TUBB4A: variants seen among roughly 807,000 people sequenced by gnomAD.
The protein encoded by TUBB4A is tubulin beta 4A class IVa.
TUBB4A carries 13 observed loss-of-function variants against 35.1 expected under a neutral mutation model. The observed-to-expected ratio is 0.37, with a 90% CI of 0.24 to 0.59. The LOEUF (loss-of-function observed/expected upper bound fraction) is 0.59, where lower values mean the gene tolerates loss of function less well. Among genes scored for constraint, TUBB4A ranks in the 20% least tolerant of loss-of-function variants. The pLI, the probability that TUBB4A is intolerant of heterozygous loss-of-function variation, is 0.71. For synonymous variants in TUBB4A, 279 were observed against 272.4 expected (o/e 1.02, Z -0.24); for missense variants, 299 against 647.2 (o/e 0.46, Z 5.84).
chr19:6,499,323 C>G (rs962118160), intron 3 of TUBB4A, among the ~76,000 whole-genome samples: 1 of 151,058 alleles, frequency 6.6e-6, no homozygotes, highest in African/African-American at 2.4e-5. Context: ...AAAGCGTGGA[C>G]CTAGTAGTCA....
In TUBB4A at chr19:6,499,976, A is replaced by G. The variant is rs138396011; in HGVS notation, c.277+1311T>C. Among the ~76,000 whole-genome samples, 892 of 152,010 alleles carry G rather than the reference A, an allele frequency of 5.9e-3. 5 individuals carry two copies. Among genetic ancestry groups the G allele is most frequent in the African/African-American group, 0.021 (869 of 41,438 alleles). On this transcript the variant is annotated intron_variant, in intron 3 of 3. Coordinates refer to ENST00000264071, the MANE Select transcript of TUBB4A (RefSeq NM_006087.4). ...CTGGCTAATTTTTTATTTTTAGTAGAGATGGGGTTTCTCCATGTTAGTCAG... is the reference window on the plus strand; with the variant it reads ...CTGGCTAATTTTTTATTTTTAGTAGGGATGGGGTTTCTCCATGTTAGTCAG...
chr19:6,497,982 C>T (rs944289877), intron 3 of TUBB4A, among the ~76,000 whole-genome samples: 3 of 150,156 alleles, frequency 2.0e-5, no homozygotes, highest in African/African-American at 4.9e-5. Flanking sequence ...GAGGCCGAGG[C>T]GGGCGGATAG....
At chr19:6,499,970 T>C (rs1477067634) in intron 3 of TUBB4A, among the ~76,000 whole-genome samples, 1 of 152,046 alleles carries the variant, frequency 6.6e-6, no homozygotes, top group Non-Finnish European at 1.5e-5. Context: ...TTTTTATTTT[T>C]AGTAGAGATG....
intron 3 of TUBB4A, among the ~76,000 whole-genome samples, chr19:6,498,587 A>G (rs1355097490): frequency 6.6e-6 from 1 of 152,126 alleles, no homozygotes; most frequent in Non-Finnish European, 1.5e-5. Context: ...CCAGCTTTCC[A>G]GGTGTGGTCC....
Position 6,501,306 on chromosome 19 carries a change from C to G in TUBB4A, c.258G>C (p.Arg86=). The change falls in exon 3 of 4, where the codon CGG becomes CGC. Residue 86 remains arginine (R), a synonymous_variant. Coordinates refer to ENST00000264071, the MANE Select transcript of TUBB4A (RefSeq NM_006087.4). The surrounding 1 kb of genome is among the most constrained non-coding windows in gnomAD (Gnocchi z 4.2). ...ACTCACCAAACACGAAGTTGTCCGGCCGAAAGATCTGACCGAAGGGGCCAG... is the reference window on the plus strand; with the variant it reads ...ACTCACCAAACACGAAGTTGTCCGGGCGAAAGATCTGACCGAAGGGGCCAG... ...VRSGPFGQIF[R]PDNFVFGQSG... 6.2e-7 allele frequency: 1 copy of G among 1,613,982 alleles called. No individual in the cohort carries two copies.
Position 6,501,834 on chromosome 19 carries a change from G to A in TUBB4A, c.58-211C>T. ...GCCGAGTCAGCACCCAGCGGGGCCG[G>A]CTGGTGCCAGCGCACCCAGGCTGCA... is the stretch of plus-strand genomic sequence containing the variant. On this transcript the variant is annotated intron_variant, in intron 1 of 3. Coordinates refer to ENST00000264071, the MANE Select transcript of TUBB4A (RefSeq NM_006087.4). The surrounding 1 kb of genome is among the most constrained non-coding windows in gnomAD (Gnocchi z 4.2). 1 of 592,336 alleles carries A rather than the reference G, an allele frequency of 1.7e-6. No individual in the cohort carries two copies. Among genetic ancestry groups the A allele is most frequent in the Non-Finnish European group, 3.0e-6 (1 of 336,344 alleles). 36.7% of individuals were successfully genotyped at this position (592,336 alleles called of 1,614,324 possible). A position where few individuals can be genotyped will look rare whatever the true frequency, so the allele number is the denominator to read the frequency against.
At chr19:6,496,632 A>AAAT (rs143972720) in intron 3 of TUBB4A, among the ~76,000 whole-genome samples, 1,679 of 143,386 alleles carry the variant, frequency 0.012, 14 homozygotes, top group African/African-American at 0.034. Flanking sequence ...CTCCGTCTCA[A>AAAT]AATAATAATA....
chr19:6,499,494 C>T (rs548952995), intron 3 of TUBB4A, among the ~76,000 whole-genome samples: 2 of 152,288 alleles, frequency 1.3e-5, no homozygotes, highest in Admixed American at 1.3e-4. Context: ...GCATTTAGCA[C>T]GTCTTACATG....
At chr19:6,498,041 C>T (rs777168464) in intron 3 of TUBB4A, among the ~76,000 whole-genome samples, 24 of 151,682 alleles carry the variant, frequency 1.6e-4, no homozygotes, top group Non-Finnish European at 2.6e-4. Flanking sequence ...GAAACCCCGT[C>T]TCTACTAAAA....
chr19:6,497,204 C>A (rs1914290502), intron 3 of TUBB4A, among the ~76,000 whole-genome samples: 1 of 148,098 alleles, frequency 6.8e-6, no homozygotes, highest in Non-Finnish European at 1.5e-5. Context: ...AGAGCAAGAC[C>A]CTGTCTCTAA....
intron 3 of TUBB4A, among the ~76,000 whole-genome samples, chr19:6,497,313 G>C (rs756528079): frequency 1.2e-4 from 18 of 151,476 alleles, no homozygotes; most frequent in Non-Finnish European, 2.4e-4. Flanking sequence ...CCAGGCTGGA[G>C]TACAGAGGTG....
Position 6,495,865 on chromosome 19 carries a change from A to G in TUBB4A, c.634T>C (p.Phe212Leu), listed in dbSNP as rs1337079969. The change falls in exon 4 of 4, where the codon TTC (phenylalanine) becomes CTC (leucine). Residue 212 changes from phenylalanine (F) to leucine (L), a missense_variant. By Grantham distance (22) the Phe-to-Leu change is conservative. Transcript: ENST00000264071. This position sits in a 1 kb window ranked among gnomAD's most constrained non-coding sequence, Gnocchi z 8.7. ...GGGGTGGTCAGCTTGAGGGTGCGGA[A>G]ACAGATGTCGTAGAGTGCCTCGTTG... The part of the protein sequence containing the change: ...IDNEALYDIC[F>L]RTLKLTTPTY... 1.2e-6 allele frequency: 2 copies of G among 1,614,190 alleles called. No homozygotes were observed. Among genetic ancestry groups the G allele is most frequent in the Non-Finnish European group, 8.5e-7 (1 of 1,180,036 alleles).
intron 3 of TUBB4A, among the ~76,000 whole-genome samples, chr19:6,498,806 G>T (rs1319554264): frequency 6.6e-6 from 1 of 152,184 alleles, no homozygotes; most frequent in Non-Finnish European, 1.5e-5. Context: ...GTGTGACCTT[G>T]GACAAGTGAC....
At position 6,495,483 on chromosome 19, in the gene TUBB4A, C is replaced by A; in HGVS notation, c.1016G>T (p.Ser339Ile). The A allele has an allele frequency of 6.2e-7, 1 of 1,614,236 alleles. No homozygotes were observed. Among genetic ancestry groups the A allele is most frequent in the Non-Finnish European group, 8.5e-7 (1 of 1,180,036 alleles). The change falls in exon 4 of 4, where the codon AGC becomes ATC. Residue 339 changes from serine (S) to isoleucine (I), a missense_variant. Physicochemically the swap from Ser to Ile is moderately radical, Grantham distance 142. This residue lies in a region of TUBB4A where 125 missense variants were observed against 279.1 expected (regional missense o/e 0.45). Transcript: ENST00000264071. This position sits in a 1 kb window ranked among gnomAD's most constrained non-coding sequence, Gnocchi z 8.7. ...QMLSVQSKNS[S>I]YFVEWIPNNV... ...GTTGGGGATCCACTCCACGAAGTAG[C>A]TGCTGTTCTTGCTCTGCACGCTCAG... is the stretch of plus-strand genomic sequence containing the variant.
rs1408566651 is a variant in TUBB4A, at chr19:6,495,129, CCTCGAGG to C, written c.*28_*34del. 3 of 1,608,294 alleles carry C rather than the reference CCTCGAGG, an allele frequency of 1.9e-6. No homozygotes were observed. Among genetic ancestry groups the C allele is most frequent in the Non-Finnish European group, 2.6e-6 (3 of 1,176,432 alleles). On this transcript the variant is annotated 3_prime_UTR_variant, in exon 4 of 4. Transcript: ENST00000264071. The surrounding 1 kb of genome is among the most constrained non-coding windows in gnomAD (Gnocchi z 8.7). ...GGCCTAGCGGATCAAAGGTCAGAAG[CCTCGAGG>C]GGACAGGTGGGAAGCGATGGGAGCA...
Position 6,495,983 on chromosome 19 carries a change from C to A in TUBB4A, c.516G>T (p.Ser172=), listed in dbSNP as rs141399672. ...CCACCACCGTGTCTGACACTTTGGG[C>A]GAGGGCACCACGCTGAAGGTGTTCA... ...RIMNTFSVVP[S]PKVSDTVVEP... The change falls in exon 4 of 4, where the codon TCG becomes TCT. Residue 172 remains serine, a synonymous_variant. Transcript: ENST00000264071. This position sits in a 1 kb window ranked among gnomAD's most constrained non-coding sequence, Gnocchi z 8.7. The A allele has an allele frequency of 5.6e-6, 9 of 1,614,180 alleles. No homozygotes were observed. The highest frequency in any genetic ancestry group is 7.6e-6 in the Non-Finnish European group (9 of 1,180,034).
rs1425349073 is a variant in TUBB4A at position 6,501,765 on chromosome 19, G to T, written c.58-142C>A. 2 of 683,546 alleles carry T rather than the reference G, an allele frequency of 2.9e-6. No homozygotes were observed. The highest frequency in any genetic ancestry group is 1.8e-5 in the African/African-American group (1 of 55,686). 42.3% of individuals were successfully genotyped at this position (683,546 alleles called of 1,614,324 possible). ...GGGGGACCTAGAGGCATGGTGTCGGGGCGAGGATGAGGCAGCAAGAAGGAG... is the reference window on the plus strand; with the variant it reads ...GGGGGACCTAGAGGCATGGTGTCGGTGCGAGGATGAGGCAGCAAGAAGGAG... On this transcript the variant is annotated intron_variant, in intron 1 of 3. Transcript: ENST00000264071. This position sits in a 1 kb window ranked among gnomAD's most constrained non-coding sequence, Gnocchi z 4.2.
intron 3 of TUBB4A, among the ~76,000 whole-genome samples, chr19:6,499,636 T>C (rs541907674): frequency 6.6e-6 from 1 of 152,324 alleles, no homozygotes; most frequent in South Asian, 2.1e-4. Context: ...GCCTCCGTCT[T>C]AAACATCTTT....
chr19:6,495,923 C>G lies in TUBB4A; in HGVS notation c.576G>C (p.Leu192=). Residue 192 remains leucine (L), a synonymous_variant, in exon 4 of 4, where the codon CTG becomes CTC. Transcript: ENST00000264071. The surrounding 1 kb of genome is among the most constrained non-coding windows in gnomAD (Gnocchi z 8.7). ...PYNATLSVHQ[L]VENTDETYCI... is the part of the protein sequence containing the mutation. ...AGTAGGTCTCATCCGTATTCTCCACCAGCTGGTGCACAGACAGCGTGGCGT... is the reference window on the plus strand; with the variant it reads ...AGTAGGTCTCATCCGTATTCTCCACGAGCTGGTGCACAGACAGCGTGGCGT... 6.2e-7 allele frequency: 1 copy of G among 1,614,222 alleles called. No homozygotes were observed. The highest frequency in any genetic ancestry group is 1.7e-5 in the Admixed American group (1 of 60,008).
Sources: allele counts gnomAD v4.1 joint callset (sites outside exome capture counted in the v4.1 genomes callset), GRCh38; gene constraint gnomAD v4.1.1; regional missense constraint gnomAD v4.1.1; non-coding constraint Gnocchi (gnomAD v3.1); transcripts MANE v1.5; gene names NCBI Gene and HGNC (gene_info 2026-07-23, HGNC 2026-07-21).